The following QRFPR variants were observed in gnomAD, a reference collection of about 807,000 sequenced individuals.
The protein encoded by QRFPR is pyroglutamylated RFamide peptide receptor.
Under a neutral mutation model 31.3 loss-of-function variants are expected in QRFPR, and 37 were observed. That is an observed-to-expected ratio of 1.18 (90% CI 0.91 to 1.56). QRFPR has a LOEUF of 1.56. Ranked by LOEUF, QRFPR falls within the 40% of genes most tolerant of loss-of-function variation. QRFPR has a pLI of 0.00. For missense variants in QRFPR, 542 were observed against 532.5 expected (o/e 1.02, Z -0.18); for synonymous variants, 197 against 192.0 (o/e 1.03, Z -0.22).
chr4:121,376,979 T>G (rs1457038216), intron 1 of QRFPR, among the ~76,000 whole-genome samples: 4 of 152,166 alleles, frequency 2.6e-5, no homozygotes, highest in Non-Finnish European at 5.9e-5. Context: ...GAAAGAGGAA[T>G]GGACTGAAAG....
rs75093361 is a variant in QRFPR at position 121,357,526 on chromosome 4, T to A, written c.341-16916A>T. Among the ~76,000 whole-genome samples the A allele has an allele frequency of 3.0e-3, 458 of 152,276 alleles. 21 individuals are homozygous for A. In the South Asian group the frequency reaches 0.068, roughly 23 times the overall value. ...TCAGCAGTCGCTCAAAGGCAGATAT[T>A]CAGATTCCCTCCCAATTCAACTCCC... is the stretch of plus-strand genomic sequence containing the variant. On this transcript the variant is annotated intron_variant, in intron 1 of 5. Coordinates refer to ENST00000394427, the MANE Select transcript of QRFPR (RefSeq NM_198179.3).
At chr4:121,342,046 A>C (rs1725553039) in intron 1 of QRFPR, among the ~76,000 whole-genome samples, 1 of 152,200 alleles carries the variant, frequency 6.6e-6, no homozygotes, top group Non-Finnish European at 1.5e-5. Context: ...TTTCCAGAAG[A>C]GATGAGCATT....
Position 121,380,586 on chromosome 4 carries a change from G to T in QRFPR, c.62C>A (p.Thr21Lys), listed in dbSNP as rs775342074. 1.2e-6 allele frequency: 2 copies of T among 1,606,434 alleles called. No individual in the cohort carries two copies. The highest frequency in any genetic ancestry group is 1.7e-6 in the Non-Finnish European group (2 of 1,175,832). ...FSRLLRDHNL[T>K]REQFIALYRL... Reference sequence around the variant, plus strand: ...GTACAGAGCGATGAACTGCTCCCGCGTCAGGTTGTGGTCCCGCAGCAGCCG... The same window carrying T: ...GTACAGAGCGATGAACTGCTCCCGCTTCAGGTTGTGGTCCCGCAGCAGCCG... Residue 21 changes from threonine to lysine, a missense_variant, in exon 1 of 6, where the codon ACG becomes AAG. Thr to Lys is a moderately conservative substitution (Grantham distance 78). Transcript: ENST00000394427.
At chr4:121,333,929 G>C (rs1458948294) in intron 3 of QRFPR, among the ~76,000 whole-genome samples, 3 of 152,136 alleles carry the variant, frequency 2.0e-5, no homozygotes, top group African/African-American at 4.8e-5. Flanking sequence ...TTTATCACCA[G>C]TCTTCAATGT....
intron 1 of QRFPR, among the ~76,000 whole-genome samples, chr4:121,372,113 T>TA (rs1726258709): frequency 6.6e-6 from 1 of 152,112 alleles, no homozygotes; most frequent in Admixed American, 6.5e-5. Flanking sequence ...AGGGAAGTCT[T>TA]ACACTCAACG....
At chr4:121,346,601 T>A (rs1725655967) in intron 1 of QRFPR, among the ~76,000 whole-genome samples, 2 of 152,212 alleles carry the variant, frequency 1.3e-5, no homozygotes. Context: ...GAAGCAGATA[T>A]CTTTGACTTG....
At chr4:121,335,766 G>T (rs1470498153) in intron 3 of QRFPR, among the ~76,000 whole-genome samples, 7 of 151,992 alleles carry the variant, frequency 4.6e-5, no homozygotes, top group Admixed American at 6.6e-5. Context: ...TACTGGACAG[G>T]ACAGTTTAAT....
At chr4:121,380,265 G>A (rs1726459424) in intron 1 of QRFPR, 43 bp downstream of exon 1, 1 of 1,431,704 alleles carries the variant, frequency 7.0e-7, no homozygotes, top group Non-Finnish European at 9.6e-7. Context: ...GAAAGGCAGA[G>A]GGTTAAGAGA....
chr4:121,380,743 C>A lies in QRFPR; in HGVS notation c.-96G>T, dbSNP rs1726478110. On this transcript the variant is annotated 5_prime_UTR_variant, in exon 1 of 6. Transcript: ENST00000394427. Reference sequence around the variant, plus strand: ...GGGCTTCGGGGGACCAGCCGGAGGCCGCCTCCCTTCCTCTACTCTGGAGTC... The same window carrying A: ...GGGCTTCGGGGGACCAGCCGGAGGCAGCCTCCCTTCCTCTACTCTGGAGTC... 5 of 1,185,590 alleles carry A rather than the reference C, an allele frequency of 4.2e-6. No individual in the cohort carries two copies. The highest frequency in any genetic ancestry group is 1.5e-5 in the African/African-American group (1 of 64,590). The allele number at this position is 1,185,590 out of a possible 1,614,324, so 73.4% of individuals were successfully genotyped here.
chr4:121,371,721 A>C (rs544482020), intron 1 of QRFPR, among the ~76,000 whole-genome samples: 1 of 152,328 alleles, frequency 6.6e-6, no homozygotes, highest in East Asian at 1.9e-4. Context: ...ATAAATGGCC[A>C]ACTCTGCTAA....
At chr4:121,365,509 AATATATATT>A (rs1726078784) in intron 1 of QRFPR, among the ~76,000 whole-genome samples, 1 of 3,112 alleles carries the variant, frequency 3.2e-4, no homozygotes, top group Non-Finnish European at 4.4e-4. Context: ...TAATATATAT[AATATATATT>A]ATATATATTA....
At chr4:121,355,255 C>T (rs1262180153) in intron 1 of QRFPR, among the ~76,000 whole-genome samples, 2 of 152,014 alleles carry the variant, frequency 1.3e-5, no homozygotes, top group Non-Finnish European at 2.9e-5. Flanking sequence ...TTATTTGTTG[C>T]TGGTCTATTC....
chr4:121,359,857 G>T (rs1215415116), intron 1 of QRFPR, among the ~76,000 whole-genome samples: 1 of 150,930 alleles, frequency 6.6e-6, no homozygotes, highest in Non-Finnish European at 1.5e-5. Context: ...GTTCCTCTAG[G>T]GAACCCTGAC....
Position 121,362,370 on chromosome 4 carries a change from G to A in QRFPR, c.340+17938C>T, listed in dbSNP as rs184570643. Among the ~76,000 whole-genome samples the A allele has an allele frequency of 7.3e-5, 11 of 149,762 alleles. 1 individual carries two copies. The highest frequency in any genetic ancestry group is 6.7e-4 in the Admixed American group (10 of 15,036). On this transcript the variant is annotated intron_variant, in intron 1 of 5. Transcript: ENST00000394427. ...AGGAAGAGGGGAAAAAGTGGGGAGAGGAGACAATGTATGCAGCTGCTTTCA... is the reference window on the plus strand; with the variant it reads ...AGGAAGAGGGGAAAAAGTGGGGAGAAGAGACAATGTATGCAGCTGCTTTCA...
In QRFPR at chr4:121,343,384, C is replaced by T. The variant is rs141526350; in HGVS notation, c.341-2774G>A. ...CCTTCCCAATCCTTTTTGGGGGCTC[C>T]AAATGGCAACCCAAGAACCAATCCC... On this transcript the variant is annotated intron_variant, in intron 1 of 5. Transcript: ENST00000394427. Among the ~76,000 whole-genome samples the T allele has an allele frequency of 1.3e-3, 203 of 152,304 alleles. 1 individual carries two copies. Among genetic ancestry groups the T allele is most frequent in the Non-Finnish European group, 2.2e-3 (149 of 68,012 alleles).
At chr4:121,331,553 T>A (rs59599255) in intron 4 of QRFPR, among the ~76,000 whole-genome samples, 2,639 of 149,736 alleles carry the variant, frequency 0.018, 95 homozygotes, top group African/African-American at 0.062. Flanking sequence ...GTAAAGAGGA[T>A]TTACATCTGC....
At chr4:121,340,687 A>G in intron 1 of QRFPR, 77 bp from the exon 2 acceptor site, 1 of 1,400,836 alleles carries the variant, frequency 7.1e-7, no homozygotes, top group Non-Finnish European at 9.7e-7. Flanking sequence ...TGTAATTATC[A>G]CTATCAGTCC....
At chr4:121,355,521 A>G (rs1165407224) in intron 1 of QRFPR, among the ~76,000 whole-genome samples, 1 of 151,798 alleles carries the variant, frequency 6.6e-6, no homozygotes, top group Non-Finnish European at 1.5e-5. Context: ...TTTTCCTTTC[A>G]TTGATCTTTT....
chr4:121,353,510 T>C (rs1725803230), intron 1 of QRFPR, among the ~76,000 whole-genome samples: 1 of 152,152 alleles, frequency 6.6e-6, no homozygotes, highest in Non-Finnish European at 1.5e-5. Flanking sequence ...GCCACTTGCA[T>C]GTCTTCTTTT....
Sources: gnomAD v4.1 joint callset for allele counts (sites outside exome capture counted in the v4.1 genomes callset) on GRCh38, gnomAD v4.1.1 for gene constraint, MANE v1.5 for transcripts, NCBI Gene and HGNC (gene_info 2026-07-23, HGNC 2026-07-21) for gene names.